RARB: variants seen among roughly 807,000 people sequenced by gnomAD.
RARB encodes HBV-activated protein.
In RARB, 17 loss-of-function variants were observed where a neutral mutation model predicts 51.9. That is an observed-to-expected ratio of 0.33 (90% CI 0.22 to 0.49). The LOEUF (loss-of-function observed/expected upper bound fraction) is 0.49, where lower values mean the gene tolerates loss of function less well. Ranked by LOEUF, RARB falls within the 20% of genes least tolerant of loss-of-function variation. The pLI is 0.99. For missense variants in RARB, 369 were observed against 550.8 expected, an observed-to-expected ratio of 0.67 and a Z score of 3.30; for synonymous variants, 215 against 195.4, an observed-to-expected ratio of 1.10 and a Z score of -0.84.
Position 25,148,062 on chromosome 3 carries a change from C to T in RARB, c.-280+15854C>T, listed in dbSNP as rs534953375. ...TACTGTTTATGTGATCTAGTCAAAC[C>T]CTTTTGCCACTTAAACCACTCAGGA... is the stretch of plus-strand genomic sequence containing the variant. On this transcript the variant is annotated intron_variant, in intron 4 of 11. Coordinates refer to the RARB transcript ENST00000383772. Among the ~76,000 whole-genome samples, 168 of 152,280 alleles carry T rather than the reference C, an allele frequency of 1.1e-3. 2 individuals are homozygous for T. Among genetic ancestry groups the T allele is most frequent in the African/African-American group, 3.8e-3 (159 of 41,562 alleles).
At chr3:25,362,545 C>T (rs113953348) in intron 5 of RARB, among the ~76,000 whole-genome samples, 7,609 of 152,250 alleles carry the variant, frequency 0.05, 521 homozygotes, top group African/African-American at 0.15. Flanking sequence ...GCAGCTAGCT[C>T]GGTGACTGCC....
At chr3:25,595,455 G>A (rs996786010) in intron 7 of RARB, among the ~76,000 whole-genome samples, 4 of 152,190 alleles carry the variant, frequency 2.6e-5, no homozygotes, top group African/African-American at 9.6e-5. Flanking sequence ...TCTCCTAGAT[G>A]AGCATTCTGA....
chr3:25,029,156 A>G (rs1324102792), intron 2 of RARB, among the ~76,000 whole-genome samples: 1 of 152,214 alleles, frequency 6.6e-6, no homozygotes, highest in Non-Finnish European at 1.5e-5. Context: ...TGGTTTGGGT[A>G]CTGACAAGTT....
intron 2 of RARB, among the ~76,000 whole-genome samples, chr3:24,961,551 T>C (rs897119829): frequency 6.7e-6 from 1 of 149,848 alleles, no homozygotes; most frequent in Admixed American, 6.7e-5. Flanking sequence ...TCTTTATCTA[T>C]GGAAGGAATC....
chr3:25,346,256 T>A (rs926561155), intron 5 of RARB, among the ~76,000 whole-genome samples: 1 of 152,192 alleles, frequency 6.6e-6, no homozygotes, highest in Non-Finnish European at 1.5e-5. Flanking sequence ...AGGGTCAACA[T>A]CCTCTAGCTT....
intron 2 of RARB, among the ~76,000 whole-genome samples, chr3:24,859,176 G>A (rs545696922): frequency 6.6e-6 from 1 of 152,144 alleles, no homozygotes; most frequent in East Asian, 1.9e-4. Flanking sequence ...ACTCAAGGCA[G>A]CAGTTTCTTG....
At chr3:24,989,759 T>G (rs1214046812) in intron 2 of RARB, among the ~76,000 whole-genome samples, 1 of 98,652 alleles carries the variant, frequency 1.0e-5, no homozygotes, top group Non-Finnish European at 2.0e-5. Context: ...ATTTTAACTG[T>G]TGTCATATGT....
In RARB at chr3:25,320,401, T is replaced by C. The variant is rs555057155; in HGVS notation, c.179-140792T>C. 3.3e-5 allele frequency among the ~76,000 whole-genome samples: 5 copies of C among 152,336 alleles called. No homozygotes were observed. In the South Asian group the frequency reaches 1.0e-3, roughly 32 times the overall value. On this transcript the variant is annotated intron_variant, in intron 5 of 11. Transcript: ENST00000383772. ...CAGATTGAAACTCTGGCTGATCGTC[T>C]TTAGAGCTGATCCATGCTATTTGAC...
chr3:25,084,839 A>G (rs1201565382), intron 3 of RARB, among the ~76,000 whole-genome samples: 1 of 151,818 alleles, frequency 6.6e-6, no homozygotes, highest in Non-Finnish European at 1.5e-5. Flanking sequence ...TTTAAAGTCA[A>G]TTTATTTTGA....
intron 1 of RARB, among the ~76,000 whole-genome samples, chr3:25,436,828 CT>C (rs1708455677): frequency 6.6e-6 from 1 of 152,190 alleles, no homozygotes; most frequent in Non-Finnish European, 1.5e-5. Context: ...ACTGCTGCTT[CT>C]CCCTGGTCCT....
At chr3:25,489,943 T>A (rs2125591061) in intron 2 of RARB, among the ~76,000 whole-genome samples, 1 of 152,362 alleles carries the variant, frequency 6.6e-6, no homozygotes, top group East Asian at 1.9e-4. Flanking sequence ...CCACAGCTTT[T>A]CCATACAAGG....
chr3:24,968,954 T>C (rs1696335504), intron 2 of RARB, among the ~76,000 whole-genome samples: 1 of 152,100 alleles, frequency 6.6e-6, no homozygotes, highest in Admixed American at 6.6e-5. Flanking sequence ...CCAAGTACTT[T>C]TCTGGGTAAT....
chr3:25,329,358 C>T lies in RARB; in HGVS notation c.179-131835C>T, dbSNP rs139317180. ...GGAAGGATAAGGCAGCAATATTTGC[C>T]GTTCTGCAGCCTCTGCTGGTGATAC... On this transcript the variant is annotated intron_variant, in intron 5 of 11. Transcript: ENST00000383772. 4.6e-5 allele frequency among the ~76,000 whole-genome samples: 7 copies of T among 151,896 alleles called. No homozygotes were observed. The South Asian group carries it at 6.2e-4, about 14-fold the overall frequency.
chr3:24,962,225 G>A (rs963483639), intron 2 of RARB, among the ~76,000 whole-genome samples: 13 of 152,058 alleles, frequency 8.5e-5, no homozygotes, highest in East Asian at 3.9e-4. Flanking sequence ...CACCTCGCCC[G>A]GCCCCTTTGG....
chr3:25,282,780 C>A (rs1464086132), intron 5 of RARB, among the ~76,000 whole-genome samples: 2 of 152,188 alleles, frequency 1.3e-5, no homozygotes, highest in African/African-American at 2.4e-5. Context: ...AGTGCACCCA[C>A]TGGGACTGCT....
intron 5 of RARB, among the ~76,000 whole-genome samples, chr3:25,213,908 TA>T (rs1382073330): frequency 1.3e-5 from 2 of 152,230 alleles, no homozygotes; most frequent in Non-Finnish European, 2.9e-5. Flanking sequence ...TTTCCCACTA[TA>T]ATCTGCTCTT....
chr3:25,469,472 C>A (rs1037862651), intron 2 of RARB, among the ~76,000 whole-genome samples: 1 of 152,098 alleles, frequency 6.6e-6, no homozygotes, highest in Non-Finnish European at 1.5e-5. Context: ...AAAACAATAA[C>A]AAAAACAGGA....
chr3:25,177,335 T>C (rs1700774712), intron 5 of RARB, among the ~76,000 whole-genome samples: 1 of 152,200 alleles, frequency 6.6e-6, no homozygotes. Flanking sequence ...CTGAGATTAG[T>C]AGGAAGGTAG....
chr3:25,246,357 C>A (rs1172926164), intron 5 of RARB, among the ~76,000 whole-genome samples: 1 of 152,042 alleles, frequency 6.6e-6, no homozygotes, highest in Non-Finnish European at 1.5e-5. Flanking sequence ...CAGTTTTATT[C>A]CCTTGCTGGC....
Sources: gnomAD v4.1 joint callset for allele counts (sites outside exome capture counted in the v4.1 genomes callset) on GRCh38, gnomAD v4.1.1 for gene constraint, MANE v1.5 for transcripts, NCBI Gene and HGNC (gene_info 2026-07-23, HGNC 2026-07-21) for gene names.